TRAFD1: variants seen among roughly 807,000 people sequenced by gnomAD.
TRAFD1 encodes TRAF-type zinc finger domain-containing protein 1.
A neutral mutation model predicts 65.3 loss-of-function variants in TRAFD1; 38 were observed. The observed-to-expected ratio is 0.58, with a 90% confidence interval of 0.45 to 0.76. The LOEUF (loss-of-function observed/expected upper bound fraction) is 0.76, where lower values mean the gene tolerates loss of function less well. Among genes scored for constraint, TRAFD1 ranks in the 30% least tolerant of loss-of-function variants. TRAFD1 has a pLI of 0.00. For synonymous variants in TRAFD1, 223 were observed against 257.2 expected (o/e 0.87, Z 1.27); for missense variants, 631 against 712.6 (o/e 0.89, Z 1.30).
Position 112,130,660 on chromosome 12 carries a change from C to T in TRAFD1, c.47+91C>T. The T allele has an allele frequency of 2.7e-6, 3 of 1,126,696 alleles. No individual in the cohort carries two copies. The highest frequency in any genetic ancestry group is 3.9e-6 in the Non-Finnish European group (3 of 765,658). 69.8% of individuals were successfully genotyped at this position (1,126,696 alleles called of 1,614,324 possible). A position where few individuals can be genotyped will look rare whatever the true frequency, so the allele number is the denominator to read the frequency against. On this transcript the variant is annotated intron_variant, in intron 2 of 11. Coordinates refer to ENST00000412615, the MANE Select transcript of TRAFD1 (RefSeq NM_006700.3). This position sits in a 1 kb window ranked among gnomAD's most constrained non-coding sequence, Gnocchi z 4.4. ...CTGATTTAAAAACTGTTAGTGAAGA[C>T]TGGCACAGTCTTGAGTTAAGCTTTC...
At chr12:112,150,734 A>AT (rs1310623557) in intron 9 of TRAFD1, among the ~76,000 whole-genome samples, 9 of 148,966 alleles carry the variant, frequency 6.0e-5, no homozygotes, top group Admixed American at 2.0e-4. Flanking sequence ...CTAATTTTTA[A>AT]TTTTTTTTTG....
chr12:112,126,862 C>T (rs1229716839), intron 1 of TRAFD1, among the ~76,000 whole-genome samples: 1 of 152,128 alleles, frequency 6.6e-6, no homozygotes, highest in Non-Finnish European at 1.5e-5. Flanking sequence ...CCATGTTGGC[C>T]AGGCTGGTCT....
At position 112,152,106 on chromosome 12, in the gene TRAFD1, T is replaced by G. The variant is rs769835486; in HGVS notation, c.1585T>G (p.Phe529Val). The change falls in exon 10 of 12, where the codon TTC becomes GTC. Residue 529 changes from phenylalanine (F) to valine (V), a missense_variant. Coordinates refer to ENST00000412615, the MANE Select transcript of TRAFD1 (RefSeq NM_006700.3). This position sits in a 1 kb window ranked among gnomAD's most constrained non-coding sequence, Gnocchi z 5.0. ...CTACCCAGAAAACATTGTGCCCTCT[T>G]TCTCCCCTGGGCCTTCAGGGAGATA... ...NLYPENIVPS[F>V]SPGPSGRYGA... 6.2e-7 allele frequency: 1 copy of G among 1,613,826 alleles called. No individual in the cohort carries two copies. The highest frequency in any genetic ancestry group is 8.5e-7 in the Non-Finnish European group (1 of 1,179,750).
intron 2 of TRAFD1, 44 bp from the exon 3 acceptor site, chr12:112,134,694 A>G (rs2079586812): frequency 6.3e-7 from 1 of 1,595,630 alleles, no homozygotes; most frequent in Admixed American, 1.7e-5. Context: ...AAAGGCATAG[A>G]TTAGTCAGTA....
intron 4 of TRAFD1, among the ~76,000 whole-genome samples, chr12:112,139,874 A>G (rs2136974696): frequency 6.6e-6 from 1 of 152,036 alleles, no homozygotes; most frequent in South Asian, 2.1e-4. Flanking sequence ...GGTGGCACGC[A>G]CCTGTGGTCC....
chr12:112,143,952 T>C (rs538746464), intron 6 of TRAFD1, among the ~76,000 whole-genome samples: 43 of 151,444 alleles, frequency 2.8e-4, no homozygotes, highest in African/African-American at 1.0e-3. Flanking sequence ...AGTCTCGAAC[T>C]CCTGAACTCA....
Position 112,140,963 on chromosome 12 carries a change from C to T in TRAFD1, c.382C>T (p.Leu128=), listed in dbSNP as rs746910254. The T allele has an allele frequency of 5.0e-6, 8 of 1,614,022 alleles. No homozygotes were observed. The African/African-American group carries it at 5.3e-5, about 11-fold the overall frequency. The stretch of plus-strand genomic sequence containing the variant: ...TGGTCGCAATGTCCTTGTGAAAGAT[C>T]TGAAGACTCACCCTGAAGTTTGTGG... ...NCGRNVLVKD[L]KTHPEVCGRE... is the part of the protein sequence containing the mutation. The change falls in exon 5 of 12, where the codon CTG becomes TTG. Residue 128 remains leucine (L), a synonymous_variant. Transcript: ENST00000412615.
At chr12:112,149,989 C>T in intron 9 of TRAFD1, 118 bp downstream of exon 9, 3 of 1,423,324 alleles carry the variant, frequency 2.1e-6, no homozygotes, top group South Asian at 1.4e-5. Context: ...TTTCCAAACA[C>T]ACTAGGGTCT....
Position 112,153,030 on chromosome 12 carries a change from T to C in TRAFD1, c.*239T>C. On this transcript the variant is annotated 3_prime_UTR_variant, in exon 12 of 12. Transcript: ENST00000412615. Reference sequence around the variant, plus strand: ...CTTAGCTGCTACCTTTCGGCAGCAGTGAAATACAAGCTGCAGCCTCGGCTG... The same window carrying C: ...CTTAGCTGCTACCTTTCGGCAGCAGCGAAATACAAGCTGCAGCCTCGGCTG... 4.2e-6 allele frequency: 2 copies of C among 480,036 alleles called. No homozygotes were observed. 29.7% of individuals were successfully genotyped at this position (480,036 alleles called of 1,614,324 possible).
rs756864969 is a variant in TRAFD1 at position 112,151,829 on chromosome 12, T to C, written c.1308T>C (p.Asp436=). The change falls in exon 10 of 12, where the codon GAT becomes GAC. Residue 436 remains aspartate, a synonymous_variant. Coordinates refer to ENST00000412615, the MANE Select transcript of TRAFD1 (RefSeq NM_006700.3). ...QGDLSSGYLD[D]TKQETANGPT... Reference sequence around the variant, plus strand: ...ACCTGTCTTCTGGTTACCTGGATGATACTAAGCAGGAAACAGCTAATGGGC... The same window carrying C: ...ACCTGTCTTCTGGTTACCTGGATGACACTAAGCAGGAAACAGCTAATGGGC... 1.9e-6 allele frequency: 3 copies of C among 1,614,182 alleles called. No individual in the cohort carries two copies. The highest frequency in any genetic ancestry group is 2.2e-5 in the South Asian group (2 of 91,080).
chr12:112,146,424 T>TAGC (rs1027358687), intron 7 of TRAFD1, among the ~76,000 whole-genome samples: 12 of 152,114 alleles, frequency 7.9e-5, no homozygotes, highest in African/African-American at 2.7e-4. Context: ...AATCTCATGC[T>TAGC]AGCAGCCCTT....
At chr12:112,146,631 C>G (rs2030256971) in intron 7 of TRAFD1, among the ~76,000 whole-genome samples, 1 of 152,204 alleles carries the variant, frequency 6.6e-6, no homozygotes, top group South Asian at 2.1e-4. Flanking sequence ...TTAACACATC[C>G]AACAACACAG....
chr12:112,146,327 G>C (rs779599993), intron 7 of TRAFD1, among the ~76,000 whole-genome samples: 8 of 150,786 alleles, frequency 5.3e-5, no homozygotes, highest in Non-Finnish European at 1.0e-4. Flanking sequence ...ATGAGTTTAA[G>C]GCCAGCCTGG....
In TRAFD1 at chr12:112,144,268, CT is replaced by C. The variant is rs745666002; in HGVS notation, c.851-1302del. Among the ~76,000 whole-genome samples, 925 of 135,750 alleles carry C rather than the reference CT, an allele frequency of 6.8e-3. 5 individuals carry two copies. The highest frequency in any genetic ancestry group is 0.012 in the Admixed American group (164 of 13,592). 89.1% of individuals were successfully genotyped at this position (135,750 alleles called of 152,430 possible). A position where few individuals can be genotyped will look rare whatever the true frequency, so the allele number is the denominator to read the frequency against. ...GGTAACTTTAAGCTTTTGGCCTGGA[CT>C]TTTTTTTTTTTTTTTCTTGAGACAG... On this transcript the variant is annotated intron_variant, in intron 6 of 11. Transcript: ENST00000412615.
intron 8 of TRAFD1, 27 bp from the exon 9 acceptor site, chr12:112,149,724 G>T: frequency 6.2e-7 from 1 of 1,613,434 alleles, no homozygotes; most frequent in Non-Finnish European, 8.5e-7. Flanking sequence ...CAATTCAGAG[G>T]TACTAATTCT....
intron 3 of TRAFD1, 42 bp from the exon 4 acceptor site, chr12:112,134,971 T>A: frequency 6.2e-7 from 1 of 1,614,166 alleles, no homozygotes; most frequent in Non-Finnish European, 8.5e-7. Context: ...AATGAGCATA[T>A]TGTCCCAAAG....
At position 112,152,292 on chromosome 12, in the gene TRAFD1, C is replaced by A; in HGVS notation, c.1620-135C>A. 7.0e-7 allele frequency: 1 copy of A among 1,435,612 alleles called. No individual in the cohort carries two copies. Among genetic ancestry groups the A allele is most frequent in the Non-Finnish European group, 9.5e-7 (1 of 1,055,116 alleles). 88.9% of individuals were successfully genotyped at this position (1,435,612 alleles called of 1,614,324 possible). A position where few individuals can be genotyped will look rare whatever the true frequency, so the allele number is the denominator to read the frequency against. Reference sequence around the variant, plus strand: ...TTTTCCCTGTATTGTCACCTGACTCCAAAAAAATTATTTTGTGGCCTATGG... The same window carrying A: ...TTTTCCCTGTATTGTCACCTGACTCAAAAAAAATTATTTTGTGGCCTATGG... On this transcript the variant is annotated intron_variant, in intron 10 of 11. Transcript: ENST00000412615. The surrounding 1 kb of genome is among the most constrained non-coding windows in gnomAD (Gnocchi z 5.0).
intron 7 of TRAFD1, among the ~76,000 whole-genome samples, chr12:112,147,670 A>G (rs533786678): frequency 1.2e-4 from 19 of 152,092 alleles, no homozygotes; most frequent in African/African-American, 4.1e-4. Flanking sequence ...GCATTTAAAA[A>G]AATTTTTTTT....
At chr12:112,147,005 T>G (rs978862340) in intron 7 of TRAFD1, among the ~76,000 whole-genome samples, 3 of 138,180 alleles carry the variant, frequency 2.2e-5, no homozygotes, top group Non-Finnish European at 4.7e-5. Context: ...TTTTTTTTTT[T>G]TTTTTTTTTT....
Sources: gnomAD v4.1 joint callset for allele counts (sites outside exome capture counted in the v4.1 genomes callset) on GRCh38, gnomAD v4.1.1 for gene constraint, Gnocchi (gnomAD v3.1) non-coding constraint, MANE v1.5 for transcripts, NCBI Gene and HGNC (gene_info 2026-07-23, HGNC 2026-07-21) for gene names.